The following PMFBP1 variants were observed in gnomAD, a reference collection of about 807,000 sequenced individuals.
PMFBP1 encodes the protein polyamine modulated factor 1 binding protein 1.
A neutral mutation model predicts 137.8 loss-of-function variants in PMFBP1; 131 were observed. The ratio of observed to expected loss-of-function variants is 0.95; its 90% CI spans 0.82 to 1.10. The LOEUF (loss-of-function observed/expected upper bound fraction) is 1.10. PMFBP1 is among the 50% of genes least tolerant of loss of function. The probability of loss-of-function intolerance (pLI) is 0.00; values close to 1 mark genes in which losing one functional copy is unlikely to be tolerated. For synonymous variants in PMFBP1, 490 were observed against 450.4 expected, an observed-to-expected ratio of 1.09 and a Z score of -1.11; for missense variants, 1,199 against 1,175.4, an observed-to-expected ratio of 1.02 and a Z score of -0.29.
chr16:72,141,181 C>T (rs959026621), intron 5 of PMFBP1, among the ~76,000 whole-genome samples: 1 of 152,134 alleles, frequency 6.6e-6, no homozygotes, highest in Non-Finnish European at 1.5e-5. Context: ...AGGTGATTCA[C>T]CCGCCTCAGT....
intron 4 of PMFBP1, 101 bp from the exon 5 acceptor site, chr16:72,150,930 C>G: frequency 2.1e-6 from 2 of 943,612 alleles, no homozygotes. Context: ...GTATCTGAAC[C>G]AGAAGACCAG....
chr16:72,190,941 T>TTGAA, the PMFBP1 span, among the ~76,000 whole-genome samples: 2 of 152,330 alleles, frequency 1.3e-5, no homozygotes, highest in East Asian at 1.9e-4. Flanking sequence ...CGTGTGTTTG[T>TTGAA]TGAATGAATG....
At chr16:72,211,603 GA>G in the PMFBP1 span, among the ~76,000 whole-genome samples, 5 of 151,872 alleles carry the variant, frequency 3.3e-5, no homozygotes, top group Admixed American at 2.0e-4. Context: ...ACTTAAAAAA[GA>G]AAAAAACCTT....
intron 3 of PMFBP1, among the ~76,000 whole-genome samples, chr16:72,161,335 T>C (rs931217744): frequency 3.3e-5 from 5 of 151,966 alleles, no homozygotes; most frequent in Admixed American, 6.6e-5. Flanking sequence ...TGACCTCAGG[T>C]GATCCACCCG....
chr16:72,125,862 C>A, intron 15 of PMFBP1, 106 bp downstream of exon 15: 1 of 1,359,392 alleles, frequency 7.4e-7, no homozygotes, highest in South Asian at 1.4e-5. Context: ...TTTGAGATGG[C>A]CCCATTGACA....
At chr16:72,164,614 T>C in intron 3 of PMFBP1, 150 bp downstream of exon 3, 1 of 1,204,708 alleles carries the variant, frequency 8.3e-7, no homozygotes, top group Non-Finnish European at 1.2e-6. Flanking sequence ...CGTTGGGGTG[T>C]GTGTGTTTAA....
At chr16:72,209,170 T>C in the PMFBP1 span, among the ~76,000 whole-genome samples, 1 of 152,174 alleles carries the variant, frequency 6.6e-6, no homozygotes, top group Non-Finnish European at 1.5e-5. Flanking sequence ...AGCGTACAAA[T>C]AGCCCTCAAA....
At chr16:72,241,066 A>G in the PMFBP1 span, among the ~76,000 whole-genome samples, 4 of 152,164 alleles carry the variant, frequency 2.6e-5, no homozygotes, top group African/African-American at 9.7e-5. Context: ...CTTATGTTAA[A>G]GAAGATATGT....
chr16:72,216,318 T>G, the PMFBP1 span, among the ~76,000 whole-genome samples: 31,558 of 152,180 alleles, frequency 0.21, 3,707 homozygotes, highest in African/African-American at 0.32. Context: ...AGAATTTCTT[T>G]GTCATCACAG....
the PMFBP1 span, among the ~76,000 whole-genome samples, chr16:72,220,036 T>C: frequency 6.6e-6 from 1 of 152,320 alleles, no homozygotes; most frequent in South Asian, 2.1e-4. Context: ...TGTATAATAC[T>C]CCATACTATC....
the PMFBP1 span, among the ~76,000 whole-genome samples, chr16:72,198,954 G>T: frequency 3.9e-5 from 6 of 152,184 alleles, no homozygotes; most frequent in Non-Finnish European, 7.3e-5. Flanking sequence ...CAAGTTAGCA[G>T]CGTCATCGAT....
chr16:72,134,798 A>C (rs1254477680), intron 9 of PMFBP1, among the ~76,000 whole-genome samples: 1 of 152,216 alleles, frequency 6.6e-6, no homozygotes, highest in African/African-American at 2.4e-5. Flanking sequence ...TCACCCTATC[A>C]GAGAGGACTT....
intron 3 of PMFBP1, among the ~76,000 whole-genome samples, chr16:72,154,929 T>C (rs4788614): frequency 0.17 from 25,546 of 152,064 alleles, 2,325 homozygotes; most frequent in South Asian, 0.19. Context: ...CGCTGAAAAA[T>C]GAGAGCCAGA....
the PMFBP1 span, among the ~76,000 whole-genome samples, chr16:72,184,402 C>A: frequency 6.6e-6 from 1 of 152,332 alleles, no homozygotes; most frequent in Middle Eastern, 3.4e-3. Context: ...CTGTAAGCCT[C>A]TACTCCAAAC....
At chr16:72,207,540 G>T in the PMFBP1 span, among the ~76,000 whole-genome samples, 2 of 152,132 alleles carry the variant, frequency 1.3e-5, no homozygotes, top group Non-Finnish European at 2.9e-5. Context: ...AATGGAAATT[G>T]CAGCATTGAG....
the PMFBP1 span, among the ~76,000 whole-genome samples, chr16:72,222,749 TTTTG>T: frequency 2.6e-5 from 4 of 152,154 alleles, no homozygotes; most frequent in East Asian, 1.9e-4. Context: ...CCTTGGAGTT[TTTTG>T]TTTTTGTTTT....
chr16:72,166,664 A>C (rs2043149698), intron 2 of PMFBP1, among the ~76,000 whole-genome samples: 1 of 152,174 alleles, frequency 6.6e-6, no homozygotes, highest in African/African-American at 2.4e-5. Flanking sequence ...GTGGTCAGTA[A>C]TTTTAGCCTG....
the PMFBP1 span, among the ~76,000 whole-genome samples, chr16:72,197,842 G>A: frequency 2.0e-5 from 3 of 152,138 alleles, no homozygotes; most frequent in East Asian, 5.8e-4. Context: ...GGCCACTTCT[G>A]TCACTCTGCA....
intron 5 of PMFBP1, among the ~76,000 whole-genome samples, chr16:72,142,445 T>C (rs960723396): frequency 2.0e-5 from 3 of 152,114 alleles, no homozygotes; most frequent in African/African-American, 7.2e-5. Context: ...AGAGATAAAA[T>C]AGGTAAACTA....
Sources: allele counts gnomAD v4.1 joint callset (sites outside exome capture counted in the v4.1 genomes callset), GRCh38; gene constraint gnomAD v4.1.1; transcripts MANE v1.5; gene names NCBI Gene and HGNC (gene_info 2026-07-23, HGNC 2026-07-21).